The following ZMIZ1 variants were observed in gnomAD, a reference collection of about 807,000 sequenced individuals.
The protein encoded by ZMIZ1 is zinc finger MIZ-type containing 1.
In ZMIZ1, 17 loss-of-function variants were observed where a neutral mutation model predicts 113.9. The observed-to-expected ratio is 0.15, with a 90% CI of 0.10 to 0.22. The LOEUF is 0.22. ZMIZ1 is among the 10% of genes least tolerant of loss of function. The pLI is 1.00. For missense variants in ZMIZ1, 1,059 were observed against 1,477.8 expected (o/e 0.72, Z 4.65); for synonymous variants, 607 against 603.1 (o/e 1.01, Z -0.09).
chr10:79,173,665 A>G (rs990229813), intron 4 of ZMIZ1, among the ~76,000 whole-genome samples: 8 of 152,206 alleles, frequency 5.3e-5, no homozygotes, highest in African/African-American at 1.9e-4. Flanking sequence ...TATCCTGTAG[A>G]GTGTGTGTTA....
intron 1 of ZMIZ1, among the ~76,000 whole-genome samples, chr10:79,113,090 AGCCTCTTTGTTCCCCGCAGCAGCCTG>A (rs1258233518): frequency 6.6e-6 from 1 of 152,190 alleles, no homozygotes; most frequent in Non-Finnish European, 1.5e-5. Context: ...GGACAGGCCT[AGCCTCTTTGTTCCCCGCAGCAGCCTG>A]GCCTGCCTTC....
chr10:79,102,085 A>G (rs1671186954), intron 1 of ZMIZ1, among the ~76,000 whole-genome samples: 1 of 152,164 alleles, frequency 6.6e-6, no homozygotes, highest in Non-Finnish European at 1.5e-5. Context: ...GCTGTCCCCT[A>G]GCAATAAGCT....
intron 1 of ZMIZ1, among the ~76,000 whole-genome samples, chr10:79,102,563 C>T (rs1843403569): frequency 6.6e-6 from 1 of 152,214 alleles, no homozygotes; most frequent in African/African-American, 2.4e-5. Flanking sequence ...TTTCAAGTTG[C>T]AACAGAAATA....
At chr10:79,269,778 C>CG (rs1381546562) in intron 7 of ZMIZ1, among the ~76,000 whole-genome samples, 1 of 152,084 alleles carries the variant, frequency 6.6e-6, no homozygotes, top group Non-Finnish European at 1.5e-5. Context: ...CCATCAGGAG[C>CG]GCCTCTTTCC....
At chr10:79,199,505 C>CA (rs200025729) in intron 4 of ZMIZ1, among the ~76,000 whole-genome samples, 3,517 of 142,594 alleles carry the variant, frequency 0.025, 145 homozygotes, top group African/African-American at 0.086. Context: ...AACTCCATCT[C>CA]AAAAAAAAAA....
intron 1 of ZMIZ1, among the ~76,000 whole-genome samples, chr10:79,089,251 G>T (rs971225669): frequency 6.6e-6 from 1 of 152,238 alleles, no homozygotes; most frequent in Non-Finnish European, 1.5e-5. Context: ...CCGCATGTCA[G>T]ATCCTTCTCC....
At chr10:79,221,432 G>A (rs1848967070) in intron 7 of ZMIZ1, among the ~76,000 whole-genome samples, 1 of 152,230 alleles carries the variant, frequency 6.6e-6, no homozygotes. Flanking sequence ...ACGTGCGCGG[G>A]CGGGATCCTC....
rs1842175282 is a variant in ZMIZ1, at chr10:79,069,502, C to T, written c.-337+232C>T. The stretch of plus-strand genomic sequence containing the variant: ...GGCTGCGCGGAGCCGGCTTGGGCTG[C>T]GCGTGGGGGCCGGGTTTGTCAGGGT... On this transcript the variant is annotated intron_variant, in intron 1 of 24. Coordinates refer to ENST00000334512, the MANE Select transcript of ZMIZ1 (RefSeq NM_020338.4). The surrounding 1 kb of genome is among the most constrained non-coding windows in gnomAD (Gnocchi z 4.6). 6.6e-6 allele frequency among the ~76,000 whole-genome samples: 1 copy of T among 151,648 alleles called. No homozygotes were observed. Among genetic ancestry groups the T allele is most frequent in the South Asian group, 2.1e-4 (1 of 4,822 alleles).
intron 1 of ZMIZ1, among the ~76,000 whole-genome samples, chr10:79,116,607 C>T (rs375992940): frequency 7.9e-5 from 12 of 152,232 alleles, no homozygotes; most frequent in African/African-American, 2.4e-4. Flanking sequence ...GCTACAGAGG[C>T]CGGCTGGCCA....
At chr10:79,237,744 C>T (rs1023755560) in intron 7 of ZMIZ1, among the ~76,000 whole-genome samples, 6 of 152,214 alleles carry the variant, frequency 3.9e-5, no homozygotes, top group Non-Finnish European at 7.3e-5. Context: ...TTCACAGGTT[C>T]TGGGGGTTAG....
intron 13 of ZMIZ1, 57 bp from the exon 14 acceptor site, chr10:79,297,556 C>A: frequency 1.4e-6 from 2 of 1,451,462 alleles, no homozygotes; most frequent in Non-Finnish European, 9.7e-7. Flanking sequence ...AGAGGGAGAG[C>A]GGGCTTCTGA....
At chr10:79,076,710 G>A (rs978979940) in intron 1 of ZMIZ1, among the ~76,000 whole-genome samples, 9 of 152,152 alleles carry the variant, frequency 5.9e-5, no homozygotes, top group Admixed American at 3.3e-4. Context: ...GGTGGTGCAC[G>A]CTTGTAGTCC....
intron 4 of ZMIZ1, among the ~76,000 whole-genome samples, chr10:79,189,993 T>C (rs1847532228): frequency 6.6e-6 from 1 of 152,192 alleles, no homozygotes; most frequent in Admixed American, 6.5e-5. Context: ...CCATGGGCTT[T>C]CTGGAGAGTA....
chr10:79,123,045 C>T lies in ZMIZ1; in HGVS notation c.-227+4021C>T, dbSNP rs538415885. On this transcript the variant is annotated intron_variant, in intron 2 of 24. Coordinates refer to ENST00000334512, the MANE Select transcript of ZMIZ1 (RefSeq NM_020338.4). ...GTGATGTGGCCCAGTTCACGTGGCT[C>T]GGCGGACTAGAGCCAGGTATACATG... Among the ~76,000 whole-genome samples the T allele has an allele frequency of 1.7e-4, 26 of 152,310 alleles. 1 individual carries two copies. Among genetic ancestry groups the T allele is most frequent in the Admixed American group, 1.3e-3 (20 of 15,302 alleles).
chr10:79,201,819 TA>T, intron 5 of ZMIZ1, 127 bp downstream of exon 5: 1 of 1,018,764 alleles, frequency 9.8e-7, no homozygotes, highest in Admixed American at 1.9e-5. Context: ...TCGAGGCCGT[TA>T]TTGGCATGCT....
At chr10:79,112,009 C>T (rs951598899) in intron 1 of ZMIZ1, among the ~76,000 whole-genome samples, 1 of 152,208 alleles carries the variant, frequency 6.6e-6, no homozygotes, top group Admixed American at 6.5e-5. Flanking sequence ...TAGGCAAAGG[C>T]CCTGGGGCAT....
At chr10:79,166,822 C>T (rs1846369616) in intron 4 of ZMIZ1, among the ~76,000 whole-genome samples, 1 of 152,248 alleles carries the variant, frequency 6.6e-6, no homozygotes, top group Non-Finnish European at 1.5e-5. Context: ...CCACCACTCA[C>T]CTGGACGCCC....
chr10:79,311,067 G>T lies in ZMIZ1; in HGVS notation c.2979G>T (p.Pro993=). ...CTCCTTCCCAGCCTCCCCGGCAGCC[G>T]CCACAGGCCGCTCCCAGCAGCCATC... is the stretch of plus-strand genomic sequence containing the variant. ...PPPPSQPPRQ[P]PQAAPSSHPH... is the part of the protein sequence containing the mutation. Residue 993 remains proline, a synonymous_variant, in exon 24 of 25, where the codon CCG becomes CCT. Coordinates refer to ENST00000334512, the MANE Select transcript of ZMIZ1 (RefSeq NM_020338.4). 1 of 1,613,432 alleles carries T rather than the reference G, an allele frequency of 6.2e-7. No homozygotes were observed. The highest frequency in any genetic ancestry group is 8.5e-7 in the Non-Finnish European group (1 of 1,179,982).
intron 3 of ZMIZ1, among the ~76,000 whole-genome samples, chr10:79,150,822 C>G (rs1271278355): frequency 6.6e-6 from 1 of 152,050 alleles, no homozygotes; most frequent in Non-Finnish European, 1.5e-5. Flanking sequence ...GCCTCCGTCT[C>G]TCAGCTCTGC....
Sources: gnomAD v4.1 joint callset for allele counts (sites outside exome capture counted in the v4.1 genomes callset) on GRCh38, gnomAD v4.1.1 for gene constraint, Gnocchi (gnomAD v3.1) non-coding constraint, MANE v1.5 for transcripts, NCBI Gene and HGNC (gene_info 2026-07-23, HGNC 2026-07-21) for gene names.